PPP1R1C: variants seen among roughly 807,000 people sequenced by gnomAD.
PPP1R1C encodes the protein protein phosphatase 1 regulatory inhibitor subunit 1C.
A neutral mutation model predicts 17.4 loss-of-function variants in PPP1R1C; 15 were observed. That is an observed-to-expected ratio of 0.86 (90% CI 0.58 to 1.33). The LOEUF (loss-of-function observed/expected upper bound fraction) is 1.33. Ranked by LOEUF, PPP1R1C falls within the 40% of genes most tolerant of loss-of-function variation. PPP1R1C has a pLI of 0.00. For missense variants in PPP1R1C, 143 were observed against 130.0 expected (o/e 1.10, Z -0.48); for synonymous variants, 35 against 43.1 (o/e 0.81, Z 0.73).
At chr2:181,993,420 A>G (rs1685524295) in intron 2 of PPP1R1C, among the ~76,000 whole-genome samples, 1 of 152,124 alleles carries the variant, frequency 6.6e-6, no homozygotes, top group Non-Finnish European at 1.5e-5. Flanking sequence ...AGCCACCCCC[A>G]GGGACCTCCA....
At chr2:182,013,369 C>G (rs889754398) in intron 2 of PPP1R1C, among the ~76,000 whole-genome samples, 1 of 152,108 alleles carries the variant, frequency 6.6e-6, no homozygotes, top group Non-Finnish European at 1.5e-5. Context: ...CTCTCCTGGC[C>G]TGTAAGGTTT....
At chr2:182,015,958 T>A (rs918404019) in intron 2 of PPP1R1C, among the ~76,000 whole-genome samples, 4 of 152,154 alleles carry the variant, frequency 2.6e-5, no homozygotes. Flanking sequence ...TGTGTGCGTG[T>A]GCCGGCTCCG....
At chr2:181,972,397 G>A (rs974885696) in intron 1 of PPP1R1C, among the ~76,000 whole-genome samples, 1 of 152,124 alleles carries the variant, frequency 6.6e-6, no homozygotes, top group Admixed American at 6.5e-5. Flanking sequence ...TGTGGAAAAG[G>A]TCATGCTGAG....
Position 181,971,056 on chromosome 2 carries a change from G to A in PPP1R1C, n.112-4163G>A, listed in dbSNP as rs1684997351. Among the ~76,000 whole-genome samples the A allele has an allele frequency of 2.0e-5, 3 of 152,092 alleles. No homozygotes were observed. In the South Asian group the frequency reaches 6.2e-4, roughly 31 times the overall value. ...CAGGAGCCCAAAGAGCCCACCTAGT[G>A]CTCTACCCCATTGTGACCAGGCTGT... On this transcript the variant is annotated intron_variant and non_coding_transcript_variant, in intron 1 of 5. Coordinates refer to the PPP1R1C transcript ENST00000464264.
intron 2 of PPP1R1C, among the ~76,000 whole-genome samples, chr2:182,032,772 G>T (rs534120389): frequency 1.3e-5 from 2 of 152,156 alleles, no homozygotes; most frequent in South Asian, 4.2e-4. Context: ...CCTATTATGA[G>T]GATTAGAATA....
intron 2 of PPP1R1C, among the ~76,000 whole-genome samples, chr2:182,006,949 G>C (rs1685941592): frequency 6.6e-6 from 1 of 152,062 alleles, no homozygotes; most frequent in Admixed American, 6.6e-5. Flanking sequence ...TGTATAACTG[G>C]TTAGGTTATT....
At chr2:182,054,160 C>T (rs1050520447) in intron 2 of PPP1R1C, among the ~76,000 whole-genome samples, 1 of 151,932 alleles carries the variant, frequency 6.6e-6, no homozygotes, top group African/African-American at 2.4e-5. Flanking sequence ...TTTTTGTTGT[C>T]ATAATTTGTT....
At chr2:182,083,577 T>C (rs1408626510) in intron 4 of PPP1R1C, among the ~76,000 whole-genome samples, 1 of 152,160 alleles carries the variant, frequency 6.6e-6, no homozygotes, top group African/African-American at 2.4e-5. Flanking sequence ...ATCCAAGTTG[T>C]TGCAAAGGAT....
intron 2 of PPP1R1C, chr2:182,023,959 G>A (rs1226842672): frequency 2.6e-5 from 4 of 152,028 alleles, no homozygotes; most frequent in Non-Finnish European, 5.9e-5. Context: ...TAATTATTCA[G>A]ATGTACAGGC....
At chr2:182,030,453 T>C (rs1265786067) in intron 2 of PPP1R1C, among the ~76,000 whole-genome samples, 1 of 150,744 alleles carries the variant, frequency 6.6e-6, no homozygotes, top group Admixed American at 6.6e-5. Context: ...CAGCTGCAGG[T>C]CTGTTGGAAT....
chr2:182,003,012 T>C (rs942316101), intron 2 of PPP1R1C, among the ~76,000 whole-genome samples: 1 of 140,984 alleles, frequency 7.1e-6, no homozygotes, highest in Non-Finnish European at 1.5e-5. Context: ...TTCTTTCCCA[T>C]AGTCAAGCAA....
intron 2 of PPP1R1C, among the ~76,000 whole-genome samples, chr2:182,052,916 T>C (rs1031995844): frequency 5.3e-5 from 8 of 151,500 alleles, no homozygotes; most frequent in Non-Finnish European, 8.8e-5. Context: ...GAAAAAAAAA[T>C]CGTATGTTTG....
In PPP1R1C at chr2:182,065,345, T is replaced by C. The variant is rs182576453; in HGVS notation, c.241+1554T>C. ...GAAAGCTAAATGCAAATATTTTATT[T>C]GGTTTACCTGTCCCTAAGAGCTAGA... On this transcript the variant is annotated intron_variant, in intron 4 of 4. Coordinates refer to ENST00000682840, the MANE Select transcript of PPP1R1C (RefSeq NM_001080545.3). 1.1e-4 allele frequency among the ~76,000 whole-genome samples: 16 copies of C among 152,270 alleles called. No individual in the cohort carries two copies. The East Asian group carries it at 2.1e-3, about 20-fold the overall frequency.
intron 4 of PPP1R1C, among the ~76,000 whole-genome samples, chr2:182,090,626 G>A (rs1462750297): frequency 6.6e-6 from 1 of 152,004 alleles, no homozygotes. Context: ...TGTTAGTTTA[G>A]GATAAATAAA....
At chr2:182,088,779 G>A (rs1688701908) in intron 4 of PPP1R1C, among the ~76,000 whole-genome samples, 1 of 152,160 alleles carries the variant, frequency 6.6e-6, no homozygotes, top group Non-Finnish European at 1.5e-5. Context: ...TTGGTTTAAT[G>A]TAATTAAGAC....
chr2:182,031,089 C>G (rs1686818591), intron 2 of PPP1R1C: 2 of 154,796 alleles, frequency 1.3e-5, no homozygotes, highest in Admixed American at 6.5e-5. Flanking sequence ...GGTGCGCGCA[C>G]CCACTGACCT....
chr2:181,971,309 A>G (rs1685002357), intron 1 of PPP1R1C, among the ~76,000 whole-genome samples: 1 of 152,120 alleles, frequency 6.6e-6, no homozygotes, highest in Non-Finnish European at 1.5e-5. Flanking sequence ...GACTGGGTCC[A>G]TCCCTTCAAG....
chr2:181,996,120 GA>G (rs1229257612), intron 2 of PPP1R1C, among the ~76,000 whole-genome samples: 2 of 152,176 alleles, frequency 1.3e-5, no homozygotes, highest in African/African-American at 4.8e-5. Flanking sequence ...AGAGATACTG[GA>G]AAGTATCTCC....
At chr2:182,126,776 T>C (rs559825080) in intron 5 of PPP1R1C, among the ~76,000 whole-genome samples, 1 of 152,070 alleles carries the variant, frequency 6.6e-6, no homozygotes, top group East Asian at 1.9e-4. Flanking sequence ...CTACTGAATA[T>C]AATAATATAT....
Sources: gnomAD v4.1 joint callset for allele counts (sites outside exome capture counted in the v4.1 genomes callset) on GRCh38, gnomAD v4.1.1 for gene constraint, MANE v1.5 for transcripts, NCBI Gene and HGNC (gene_info 2026-07-23, HGNC 2026-07-21) for gene names.